Variants in LRRC4C observed in about 807,000 individuals in gnomAD.
LRRC4C encodes leucine-rich repeat-containing protein 4C.
LRRC4C carries 5 observed loss-of-function variants against 33.6 expected under a neutral mutation model. That is an observed-to-expected ratio of 0.15 (90% confidence interval 0.08 to 0.31). The LOEUF (loss-of-function observed/expected upper bound fraction) is 0.31, where lower values mean the gene tolerates loss of function less well. Among genes scored for constraint, LRRC4C ranks in the 10% least tolerant of loss-of-function variants. LRRC4C has a pLI of 1.00. For synonymous variants in LRRC4C, 329 were observed against 302.0 expected (o/e 1.09, Z -0.93); for missense variants, 560 against 796.7 (o/e 0.70, Z 3.58).
At chr11:40,556,520 A>G (rs1420080958) in intron 3 of LRRC4C, among the ~76,000 whole-genome samples, 1 of 152,232 alleles carries the variant, frequency 6.6e-6, no homozygotes, top group Non-Finnish European at 1.5e-5. Flanking sequence ...GTGTGAAAGT[A>G]GGTCTTCTAC....
At chr11:40,169,394 T>G (rs533886129) in intron 5 of LRRC4C, among the ~76,000 whole-genome samples, 1 of 152,272 alleles carries the variant, frequency 6.6e-6, no homozygotes, top group African/African-American at 2.4e-5. Flanking sequence ...GTTCAATTCT[T>G]ATAGCATGTG....
At chr11:40,333,296 T>C (rs1946442596) in intron 3 of LRRC4C, among the ~76,000 whole-genome samples, 1 of 152,206 alleles carries the variant, frequency 6.6e-6, no homozygotes, top group Non-Finnish European at 1.5e-5. Context: ...TACATACACA[T>C]ATTTGTGAGA....
intron 3 of LRRC4C, among the ~76,000 whole-genome samples, chr11:40,426,809 G>A (rs1305614427): frequency 6.6e-6 from 1 of 152,172 alleles, no homozygotes. Context: ...TATAAGGAAT[G>A]TTTTAAATTT....
In LRRC4C at chr11:40,114,244, C is replaced by T. The variant is rs1171927741; in HGVS notation, c.*126G>A. The T allele has an allele frequency of 9.4e-7, 1 of 1,065,494 alleles. No homozygotes were observed. The highest frequency in any genetic ancestry group is 1.6e-5 in the African/African-American group (1 of 61,904). The allele number at this position is 1,065,494 out of a possible 1,614,324, so 66.0% of individuals were successfully genotyped here. ...AATAGAATTTTTAATAAATAAATTT[C>T]TTTTCTTTTTTGTTTTTTTGTAAAG... On this transcript the variant is annotated 3_prime_UTR_variant, in exon 7 of 7. Transcript: ENST00000528697.
intron 1 of LRRC4C, among the ~76,000 whole-genome samples, chr11:41,438,381 A>T (rs912382535): frequency 6.6e-6 from 1 of 152,302 alleles, no homozygotes; most frequent in African/African-American, 2.4e-5. Context: ...AACAAATATA[A>T]TAATACAAAT....
chr11:40,908,275 A>C (rs1214176289), intron 2 of LRRC4C, among the ~76,000 whole-genome samples: 2 of 152,142 alleles, frequency 1.3e-5, no homozygotes, highest in Admixed American at 1.3e-4. Context: ...ATATCAGCTC[A>C]AAAGAAAAAG....
chr11:40,748,320 C>T (rs1948527980), intron 2 of LRRC4C, among the ~76,000 whole-genome samples: 1 of 152,046 alleles, frequency 6.6e-6, no homozygotes, highest in South Asian at 2.1e-4. Context: ...AATTATCCTT[C>T]AGAAATAAAG....
intron 5 of LRRC4C, among the ~76,000 whole-genome samples, chr11:40,205,640 G>T (rs1863091864): frequency 6.6e-6 from 1 of 152,026 alleles, no homozygotes; most frequent in African/African-American, 2.4e-5. Flanking sequence ...TCTCTCTAAG[G>T]TCTAGACATT....
intron 3 of LRRC4C, among the ~76,000 whole-genome samples, chr11:40,502,573 A>G (rs1424157140): frequency 6.6e-6 from 1 of 152,142 alleles, no homozygotes; most frequent in Non-Finnish European, 1.5e-5. Flanking sequence ...AGACTTATTC[A>G]CTGTCATGAG....
intron 2 of LRRC4C, among the ~76,000 whole-genome samples, chr11:40,865,859 T>C (rs923592142): frequency 6.6e-6 from 1 of 151,884 alleles, no homozygotes; most frequent in African/African-American, 2.4e-5. Context: ...ATTTGTAGGG[T>C]TAATTTAAAG....
At chr11:40,266,823 C>T (rs185272438) in intron 4 of LRRC4C, among the ~76,000 whole-genome samples, 2 of 152,230 alleles carry the variant, frequency 1.3e-5, no homozygotes, top group East Asian at 3.9e-4. Context: ...AGTACTCAGA[C>T]TGATATTGCT....
chr11:40,262,998 A>G (rs1377499903), intron 4 of LRRC4C, among the ~76,000 whole-genome samples: 2 of 151,724 alleles, frequency 1.3e-5, no homozygotes, highest in South Asian at 2.1e-4. Flanking sequence ...AAAAAAAAGA[A>G]TTTTTTTTGG....
intron 1 of LRRC4C, among the ~76,000 whole-genome samples, chr11:40,960,501 G>A (rs1371552116): frequency 6.6e-6 from 1 of 151,678 alleles, no homozygotes; most frequent in Non-Finnish European, 1.5e-5. Flanking sequence ...AAAGCCCATG[G>A]GTTATTATTT....
intron 3 of LRRC4C, among the ~76,000 whole-genome samples, chr11:40,454,901 T>C (rs1481625767): frequency 6.6e-6 from 1 of 152,114 alleles, no homozygotes; most frequent in Non-Finnish European, 1.5e-5. Flanking sequence ...TAATAAAGCT[T>C]ACATGTGTTT....
At chr11:40,218,314 C>A (rs900364798) in intron 5 of LRRC4C, among the ~76,000 whole-genome samples, 2 of 151,916 alleles carry the variant, frequency 1.3e-5, no homozygotes, top group African/African-American at 4.8e-5. Context: ...AACTCAATCC[C>A]AATAAAATAA....
intron 2 of LRRC4C, among the ~76,000 whole-genome samples, chr11:40,699,749 T>G (rs1945774460): frequency 6.6e-6 from 1 of 152,224 alleles, no homozygotes; most frequent in Non-Finnish European, 1.5e-5. Flanking sequence ...TTGATGGAGT[T>G]AATATTACTT....
Position 40,647,202 on chromosome 11 carries a change from G to A in LRRC4C, c.-270+940C>T, listed in dbSNP as rs35588344. On this transcript the variant is annotated intron_variant, in intron 3 of 6. Coordinates refer to ENST00000528697, the MANE Select transcript of LRRC4C (RefSeq NM_001258419.2). Reference sequence around the variant, plus strand: ...GAGAGCTAAATATTAATAGGAAAATGCATGAGCAATACCTTCTACCTTCAT... The same window carrying A: ...GAGAGCTAAATATTAATAGGAAAATACATGAGCAATACCTTCTACCTTCAT... Among the ~76,000 whole-genome samples, 690 of 152,316 alleles carry A rather than the reference G, an allele frequency of 4.5e-3. 7 individuals are homozygous for A. The highest frequency in any genetic ancestry group is 0.016 in the African/African-American group (666 of 41,560).
At chr11:40,216,197 G>A (rs1863967028) in intron 5 of LRRC4C, among the ~76,000 whole-genome samples, 1 of 151,864 alleles carries the variant, frequency 6.6e-6, no homozygotes, top group African/African-American at 2.4e-5. Context: ...TCACTACTTG[G>A]GGTAAAGTTT....
intron 5 of LRRC4C, among the ~76,000 whole-genome samples, chr11:40,224,124 C>T (rs1864616108): frequency 1.3e-5 from 2 of 152,060 alleles, no homozygotes; most frequent in African/African-American, 4.8e-5. Flanking sequence ...GCTTTTATTC[C>T]TCAAGTGATT....
Sources: gnomAD v4.1 joint callset for allele counts (sites outside exome capture counted in the v4.1 genomes callset) on GRCh38, gnomAD v4.1.1 for gene constraint, MANE v1.5 for transcripts, NCBI Gene and HGNC (gene_info 2026-07-23, HGNC 2026-07-21) for gene names.